The following SPTBN1 variants were observed in gnomAD, a reference collection of about 807,000 sequenced individuals.
SPTBN1 encodes spectrin beta, non-erythrocytic 1.
A neutral mutation model predicts 266.4 loss-of-function variants in SPTBN1; 32 were observed. The observed-to-expected ratio is 0.12, with a 90% CI of 0.09 to 0.16. SPTBN1 has a LOEUF of 0.16. Among genes scored for constraint, SPTBN1 ranks in the 10% least tolerant of loss-of-function variants. The pLI, the probability that SPTBN1 is intolerant of heterozygous loss-of-function variation, is 1.00. For synonymous variants in SPTBN1, 1,336 were observed against 1,162.2 expected (o/e 1.15, Z -3.04); for missense variants, 2,296 against 3,067.1 (o/e 0.75, Z 5.94).
intron 1 of SPTBN1, among the ~76,000 whole-genome samples, chr2:54,474,750 T>G (rs954259160): frequency 2.0e-5 from 3 of 152,158 alleles, no homozygotes. Context: ...TTAAGGTTTT[T>G]GGGGGAGGGG....
chr2:54,534,373 G>T (rs1414837807), intron 2 of SPTBN1, among the ~76,000 whole-genome samples: 2 of 152,074 alleles, frequency 1.3e-5, no homozygotes, highest in African/African-American at 4.8e-5. Flanking sequence ...CATTATTTGG[G>T]ACTATTTGTG....
intron 32 of SPTBN1, chr2:54,660,928 G>A (rs957163112): frequency 1.0e-5 from 10 of 985,292 alleles, no homozygotes; most frequent in South Asian, 4.7e-5. Flanking sequence ...CCATTCAGCC[G>A]ATGACTTCAG....
intron 4 of SPTBN1, among the ~76,000 whole-genome samples, chr2:54,612,668 G>A (rs1451874932): frequency 6.6e-6 from 1 of 152,120 alleles, no homozygotes; most frequent in East Asian, 1.9e-4. Context: ...TTGGCTCTCA[G>A]GAGCAAAGGT....
chr2:54,510,646 G>A (rs963886019), intron 1 of SPTBN1, among the ~76,000 whole-genome samples: 5 of 152,176 alleles, frequency 3.3e-5, no homozygotes, highest in African/African-American at 1.2e-4. Flanking sequence ...CAGATATTTT[G>A]GGAAATAGAA....
intron 29 of SPTBN1, 29 bp from the exon 30 acceptor site, chr2:54,657,821 C>A: frequency 6.2e-7 from 1 of 1,613,712 alleles, no homozygotes; most frequent in Non-Finnish European, 8.5e-7. Flanking sequence ...TCCTGGTCAA[C>A]GTGTACTAAC....
intron 7 of SPTBN1, among the ~76,000 whole-genome samples, chr2:54,620,044 T>TA (rs1477018318): frequency 6.6e-6 from 1 of 152,234 alleles, no homozygotes; most frequent in Non-Finnish European, 1.5e-5. Context: ...GTTGAGTGCT[T>TA]ACTCAATATT....
intron 24 of SPTBN1, among the ~76,000 whole-genome samples, chr2:54,648,658 G>A (rs1461084460): frequency 2.6e-5 from 4 of 152,210 alleles, no homozygotes; most frequent in Non-Finnish European, 1.5e-5. Context: ...CAGAGGTGCA[G>A]AGAGAATTTT....
intron 1 of SPTBN1, among the ~76,000 whole-genome samples, chr2:54,500,777 A>T (rs906788310): frequency 7.9e-5 from 12 of 152,132 alleles, no homozygotes. Context: ...GCCTCAAGGG[A>T]TCTGCCTGCC....
rs1217173204 is a variant in SPTBN1, at chr2:54,629,157, C to T, written c.2023C>T (p.Arg675Cys). ...DYGKDLTSVM[R>C]LLSKHRAFED... ...CGGGAAAGACCTGACCAGCGTCATG[C>T]GCCTGCTCAGCAAGCACCGGGCGTT... is the stretch of plus-strand genomic sequence containing the variant. The change falls in exon 14 of 36, where the codon CGC becomes TGC. Residue 675 changes from arginine (R) to cysteine (C), a missense_variant. By Grantham distance (180) the Arg-to-Cys change is radical (BLOSUM62 -3). Around this residue, in one of 12 missense-constraint regions of SPTBN1, gnomAD observed 434 missense variants for 573.9 expected, o/e 0.76. Coordinates refer to ENST00000356805, the MANE Select transcript of SPTBN1 (RefSeq NM_003128.3). 1.2e-6 allele frequency: 2 copies of T among 1,613,414 alleles called. No individual in the cohort carries two copies. The highest frequency in any genetic ancestry group is 1.3e-5 in the African/African-American group (1 of 74,938).
rs778637228 is a variant in SPTBN1 at position 54,650,053 on chromosome 2, T to C, written c.5577+64T>C. The C allele has an allele frequency of 1.9e-4, 294 of 1,524,072 alleles. 1 individual carries two copies. The highest frequency in any genetic ancestry group is 8.1e-4 in the Admixed American group (41 of 50,408). 94.4% of individuals were successfully genotyped at this position (1,524,072 alleles called of 1,614,324 possible). A position where few individuals can be genotyped will look rare whatever the true frequency, so the allele number is the denominator to read the frequency against. On this transcript the variant is annotated intron_variant, in intron 26 of 35. Transcript: ENST00000356805. ...TTTCTCCATAGAACATCTTTGGGCA[T>C]CTGTAAGTATCTCCCTGTTCCTTGG...
intron 1 of SPTBN1, among the ~76,000 whole-genome samples, chr2:54,489,151 T>TAAAAAAA (rs66488966): frequency 8.6e-6 from 1 of 116,106 alleles, no homozygotes; most frequent in African/African-American, 3.5e-5. Context: ...GGTCTGTATT[T>TAAAAAAA]AAAAAAAAAA....
In SPTBN1 at chr2:54,649,660, A is replaced by G. The variant is rs1680143498; in HGVS notation, c.5248A>G (p.Ile1750Val). Residue 1750 changes from isoleucine (I) to valine (V), a missense_variant, in exon 26 of 36, where the codon ATT becomes GTT. Physicochemically the swap from Ile to Val is conservative, Grantham distance 29 (BLOSUM62 3). This residue lies in a region of SPTBN1 where 644 missense variants were observed against 745.3 expected (regional missense o/e 0.86). Coordinates refer to ENST00000356805, the MANE Select transcript of SPTBN1 (RefSeq NM_003128.3). This position sits in a 1 kb window ranked among gnomAD's most constrained non-coding sequence, Gnocchi z 6.7. ...GGAGTTTGCCCGAGACACCGGGAAC[A>G]TTGGGCAGGAGCGCGTGGACACGGT... ...FREFARDTGN[I>V]GQERVDTVNH... 2.5e-6 allele frequency: 4 copies of G among 1,612,538 alleles called. No individual in the cohort carries two copies. Among genetic ancestry groups the G allele is most frequent in the Admixed American group, 1.7e-5 (1 of 59,994 alleles).
At chr2:54,632,355 A>AC (rs1189299985) in intron 16 of SPTBN1, among the ~76,000 whole-genome samples, 1 of 152,186 alleles carries the variant, frequency 6.6e-6, no homozygotes, top group African/African-American at 2.4e-5. Flanking sequence ...TTGGAAAAAA[A>AC]AATTTAGAGC....
chr2:54,550,266 T>C (rs1672491401), intron 2 of SPTBN1, among the ~76,000 whole-genome samples: 2 of 152,174 alleles, frequency 1.3e-5, no homozygotes, highest in Admixed American at 1.3e-4. Flanking sequence ...GTCCATGAAT[T>C]ATTCAGGGGC....
At position 54,631,151 on chromosome 2, in the gene SPTBN1, C is replaced by T. The variant is rs1222368263; in HGVS notation, c.3104C>T (p.Ser1035Phe). Residue 1035 changes from serine to phenylalanine, a missense_variant, in exon 16 of 36, where the codon TCT becomes TTT. Ser to Phe is a radical substitution (Grantham distance 155). Coordinates refer to ENST00000356805, the MANE Select transcript of SPTBN1 (RefSeq NM_003128.3). Reference protein sequence around the residue: ...EHPDQAQAILSRLAEISDVWE... With the variant: ...EHPDQAQAILFRLAEISDVWE... ...CCCGACCAGGCCCAGGCCATCCTGT[C>T]TCGGCTGGCCGAGATCAGCGACGTG... 1.9e-6 allele frequency: 3 copies of T among 1,614,104 alleles called. No homozygotes were observed. The African/African-American group carries it at 4.0e-5, about 22-fold the overall frequency.
Position 54,576,074 on chromosome 2 carries a change from A to ATTTTTTTTTTTTTTT in SPTBN1, c.149-23018_149-23017insTTTTTTTTTTTTTTT, listed in dbSNP as rs1209132160. Reference sequence around the variant, plus strand: ...ATCCAGCTTTTTTTTTTTTTTTTTGAGAGACAGTCTGGCTGTGTCTCCCAG... The same window carrying ATTTTTTTTTTTTTTT: ...ATCCAGCTTTTTTTTTTTTTTTTTGATTTTTTTTTTTTTTTGAGACAGTCTGGCTGTGTCTCCCAG... On this transcript the variant is annotated intron_variant, in intron 2 of 35. Coordinates refer to ENST00000356805, the MANE Select transcript of SPTBN1 (RefSeq NM_003128.3). 8.8e-4 allele frequency among the ~76,000 whole-genome samples: 83 copies of ATTTTTTTTTTTTTTT among 93,852 alleles called. 16 individuals carry two copies. The highest frequency in any genetic ancestry group is 0.014 in the Middle Eastern group (2 of 140). The allele number at this position is 93,852 out of a possible 152,430, so 61.6% of individuals were successfully genotyped here.
intron 1 of SPTBN1, among the ~76,000 whole-genome samples, chr2:54,473,472 C>T (rs1405561587): frequency 1.3e-5 from 2 of 151,064 alleles, no homozygotes; most frequent in Non-Finnish European, 2.9e-5. Flanking sequence ...TCTGTTTTTG[C>T]TTTTCCCTTT....
rs1419427093 is a variant in SPTBN1, at chr2:54,507,361, TG to T, written c.-47-19005del. On this transcript the variant is annotated intron_variant, in intron 1 of 35. Transcript: ENST00000356805. ...TAAAGTGTTGGGGTGGGGAAAATTT[TG>T]GGGGGTGGTATGGAGAGATAATGGG... is the stretch of plus-strand genomic sequence containing the variant. Among the ~76,000 whole-genome samples the T allele has an allele frequency of 2.0e-5, 3 of 151,802 alleles. No homozygotes were observed. The East Asian group carries it at 5.8e-4, about 29-fold the overall frequency.
At chr2:54,464,904 C>T (rs1693550046) in intron 1 of SPTBN1, among the ~76,000 whole-genome samples, 1 of 152,126 alleles carries the variant, frequency 6.6e-6, no homozygotes, top group Admixed American at 6.5e-5. Flanking sequence ...GTTGCCCAGG[C>T]TGGTCTTCAA....
Sources: allele counts gnomAD v4.1 joint callset (sites outside exome capture counted in the v4.1 genomes callset), GRCh38; gene constraint gnomAD v4.1.1; regional missense constraint gnomAD v4.1.1; non-coding constraint Gnocchi (gnomAD v3.1); transcripts MANE v1.5; gene names NCBI Gene and HGNC (gene_info 2026-07-23, HGNC 2026-07-21).